Variants in KLHL18 observed in about 807,000 individuals in gnomAD.
KLHL18 encodes kelch-like protein 18.
In KLHL18, 38 loss-of-function variants were observed where a neutral mutation model predicts 58.5. The ratio of observed to expected loss-of-function variants is 0.65; its 90% CI spans 0.50 to 0.85. The LOEUF (loss-of-function observed/expected upper bound fraction) is 0.85, where lower values mean the gene tolerates loss of function less well. KLHL18 is among the 40% of genes least tolerant of loss of function. The pLI is 0.00. For synonymous variants in KLHL18, 303 were observed against 301.9 expected, an observed-to-expected ratio of 1.00 and a Z score of -0.04; for missense variants, 624 against 778.4, an observed-to-expected ratio of 0.80 and a Z score of 2.36.
rs1333938189 is a variant in KLHL18, at chr3:47,345,397, CT to C, written c.*1457del. 1 of 152,630 alleles carries C rather than the reference CT, an allele frequency of 6.6e-6. No homozygotes were observed. The highest frequency in any genetic ancestry group is 2.4e-5 in the African/African-American group (1 of 41,454). 9.5% of individuals were successfully genotyped at this position (152,630 alleles called of 1,614,324 possible). A position where few individuals can be genotyped will look rare whatever the true frequency, so the allele number is the denominator to read the frequency against. ...CAGCTGGCTTTTATGACATAAAGAA[CT>C]AAAGGCCGAAAGAATCTCTTGCTGC... On this transcript the variant is annotated 3_prime_UTR_variant, in exon 10 of 10. Coordinates refer to ENST00000232766, the MANE Select transcript of KLHL18 (RefSeq NM_025010.5).
At chr3:47,321,507 G>A (rs963511162) in intron 2 of KLHL18, among the ~76,000 whole-genome samples, 2 of 151,866 alleles carry the variant, frequency 1.3e-5, no homozygotes, top group South Asian at 2.1e-4. Context: ...ATGCCACCAC[G>A]CCCGGCTAAT....
At chr3:47,321,524 A>G (rs1703588234) in intron 2 of KLHL18, among the ~76,000 whole-genome samples, 1 of 151,662 alleles carries the variant, frequency 6.6e-6, no homozygotes, top group Admixed American at 6.6e-5. Flanking sequence ...TAATTTTTGT[A>G]TTTTTAGTAG....
chr3:47,335,272 G>A (rs1559503509), intron 6 of KLHL18, among the ~76,000 whole-genome samples: 1 of 152,150 alleles, frequency 6.6e-6, no homozygotes, highest in Non-Finnish European at 1.5e-5. Flanking sequence ...ATGGATCTCT[G>A]GGGTTAGACT....
rs1704175070 is a variant in KLHL18 at position 47,344,108 on chromosome 3, T to C, written c.*167T>C. ...TAAGCCCTCCCCCACTGTGCCACCC[T>C]TGTGACCTTCAGGCTTGGGTCATCA... On this transcript the variant is annotated 3_prime_UTR_variant, in exon 10 of 10. Coordinates refer to ENST00000232766, the MANE Select transcript of KLHL18 (RefSeq NM_025010.5). The C allele has an allele frequency of 3.9e-6, 3 of 767,278 alleles. No individual in the cohort carries two copies. Among genetic ancestry groups the C allele is most frequent in the Admixed American group, 5.9e-5 (2 of 33,892 alleles). 47.5% of individuals were successfully genotyped at this position (767,278 alleles called of 1,614,324 possible).
intron 1 of KLHL18, among the ~76,000 whole-genome samples, chr3:47,304,895 C>T (rs997819847): frequency 1.3e-5 from 2 of 151,706 alleles, no homozygotes; most frequent in Non-Finnish European, 2.9e-5. Context: ...GTGGTGGTGC[C>T]CACCTGTAGT....
chr3:47,309,954 C>T (rs183744521), intron 1 of KLHL18, among the ~76,000 whole-genome samples: 10 of 126,130 alleles, frequency 7.9e-5, no homozygotes, highest in South Asian at 5.7e-4. Flanking sequence ...AGTCCAGCTT[C>T]GGCTCGGCAT....
intron 2 of KLHL18, among the ~76,000 whole-genome samples, chr3:47,320,608 C>T (rs975867497): frequency 2.0e-5 from 3 of 152,126 alleles, no homozygotes; most frequent in Admixed American, 1.3e-4. Flanking sequence ...GATTTATATA[C>T]CCATGGCAAG....
intron 1 of KLHL18, among the ~76,000 whole-genome samples, chr3:47,317,051 G>T (rs1483335794): frequency 6.6e-6 from 1 of 152,016 alleles, no homozygotes; most frequent in Non-Finnish European, 1.5e-5. Flanking sequence ...CTAAGCTTGA[G>T]GGTAGTAAAG....
At chr3:47,340,509 G>T in intron 7 of KLHL18, 63 bp from the exon 8 acceptor site, 2 of 1,610,844 alleles carry the variant, frequency 1.2e-6, no homozygotes, top group South Asian at 2.2e-5. Flanking sequence ...TTTCTCAGTG[G>T]GCAAGAGAGG....
In KLHL18 at chr3:47,323,052, A is replaced by G. The variant is rs144664337; in HGVS notation, c.401+344A>G. Among the ~76,000 whole-genome samples, 49 of 150,060 alleles carry G rather than the reference A, an allele frequency of 3.3e-4. 1 individual carries two copies. In the East Asian group the frequency reaches 9.2e-3, roughly 28 times the overall value. On this transcript the variant is annotated intron_variant, in intron 3 of 9. Coordinates refer to ENST00000232766, the MANE Select transcript of KLHL18 (RefSeq NM_025010.5). ...CCTCTACTGTTCCATAGCCATCTCC[A>G]TCTTTGTTTAGGTACTTTGCTCTCT... is the stretch of plus-strand genomic sequence containing the variant.
intron 1 of KLHL18, among the ~76,000 whole-genome samples, chr3:47,319,377 G>A (rs1703530057): frequency 6.6e-6 from 1 of 152,192 alleles, no homozygotes; most frequent in Non-Finnish European, 1.5e-5. Flanking sequence ...ACGATTACAT[G>A]AAACCATTCA....
rs979519503 is a variant in KLHL18 at position 47,344,059 on chromosome 3, G to A, written c.*118G>A. The A allele has an allele frequency of 8.1e-5, 108 of 1,335,420 alleles. No individual in the cohort carries two copies. The highest frequency in any genetic ancestry group is 1.0e-4 in the Non-Finnish European group (101 of 986,508). The allele number at this position is 1,335,420 out of a possible 1,614,324, so 82.7% of individuals were successfully genotyped here. On this transcript the variant is annotated 3_prime_UTR_variant, in exon 10 of 10. Coordinates refer to ENST00000232766, the MANE Select transcript of KLHL18 (RefSeq NM_025010.5). ...AGAGATGGCGAAACGTGAGCTCGCCGGAGGTACAGTTTTTCCAGGTGCTTA... is the reference window on the plus strand; with the variant it reads ...AGAGATGGCGAAACGTGAGCTCGCCAGAGGTACAGTTTTTCCAGGTGCTTA...
chr3:47,336,258 C>T (rs1191578854), intron 6 of KLHL18, among the ~76,000 whole-genome samples: 2 of 152,174 alleles, frequency 1.3e-5, no homozygotes, highest in Non-Finnish European at 2.9e-5. Flanking sequence ...ATCGATTCAC[C>T]TATACCTTTG....
chr3:47,328,356 A>G (rs1703773921), intron 3 of KLHL18, among the ~76,000 whole-genome samples: 1 of 152,042 alleles, frequency 6.6e-6, no homozygotes, highest in South Asian at 2.1e-4. Context: ...ACAGAATAAG[A>G]CCTTGTCTCA....
At chr3:47,290,187 A>G (rs912460746) in intron 1 of KLHL18, among the ~76,000 whole-genome samples, 2 of 152,182 alleles carry the variant, frequency 1.3e-5, no homozygotes, top group Non-Finnish European at 2.9e-5. Context: ...TGCTGATGGT[A>G]TGAAGCATAG....
intron 6 of KLHL18, among the ~76,000 whole-genome samples, chr3:47,335,504 T>C (rs1048036430): frequency 6.6e-5 from 10 of 152,116 alleles, no homozygotes; most frequent in African/African-American, 2.2e-4. Context: ...GTTTTTATTT[T>C]TTATTGTTTT....
rs776134542 is a variant in KLHL18, at chr3:47,343,659, C to T, written c.1443C>T (p.Val481=). Reference sequence around the variant, plus strand: ...CCTCCCTGGGGAGCAAGATGTTTGTCTGCGGGGGCTACGATGGCTCTGGCT... The same window carrying T: ...CCTCCCTGGGGAGCAAGATGTTTGTTTGCGGGGGCTACGATGGCTCTGGCT... ...GAASLGSKMF[V]CGGYDGSGFL... Residue 481 remains valine, a synonymous_variant, in exon 10 of 10, where the codon GTC becomes GTT. Transcript: ENST00000232766. 2 of 1,614,016 alleles carry T rather than the reference C, an allele frequency of 1.2e-6. No homozygotes were observed. Among genetic ancestry groups the T allele is most frequent in the South Asian group, 1.1e-5 (1 of 91,088 alleles).
At chr3:47,338,251 C>T (rs945027404) in intron 7 of KLHL18, 1 of 152,230 alleles carries the variant, frequency 6.6e-6, no homozygotes, top group Non-Finnish European at 1.5e-5. Flanking sequence ...TCTTCACACT[C>T]GCCTTTACCA....
intron 1 of KLHL18, among the ~76,000 whole-genome samples, chr3:47,313,929 G>A (rs1484019153): frequency 6.6e-6 from 1 of 152,228 alleles, no homozygotes; most frequent in East Asian, 1.9e-4. Flanking sequence ...GCAGAGGGTT[G>A]CTGTGAGGAC....
Sources: allele counts gnomAD v4.1 joint callset (sites outside exome capture counted in the v4.1 genomes callset), GRCh38; gene constraint gnomAD v4.1.1; transcripts MANE v1.5; gene names NCBI Gene and HGNC (gene_info 2026-07-23, HGNC 2026-07-21).